The following NRG3 variants were observed in gnomAD, a reference collection of about 807,000 sequenced individuals.
NRG3 encodes pro-neuregulin-3, membrane-bound isoform.
Under a neutral mutation model 66.9 loss-of-function variants are expected in NRG3, and 31 were observed. The observed-to-expected ratio is 0.46, with a 90% CI of 0.35 to 0.63. The LOEUF (loss-of-function observed/expected upper bound fraction) is 0.63, where lower values mean the gene tolerates loss of function less well. Ranked by LOEUF, NRG3 falls within the 20% of genes least tolerant of loss-of-function variation. The probability of loss-of-function intolerance (pLI) is 0.00; values close to 1 mark genes in which losing one functional copy is unlikely to be tolerated. For missense variants in NRG3, 910 were observed against 878.9 expected (o/e 1.04, Z -0.45); for synonymous variants, 393 against 359.4 (o/e 1.09, Z -1.06).
intron 1 of NRG3, among the ~76,000 whole-genome samples, chr10:82,170,067 A>C (rs778919437): frequency 1.5e-4 from 22 of 151,364 alleles, no homozygotes; most frequent in Non-Finnish European, 3.1e-4. Context: ...TTGTTCTTTA[A>C]TTCTCTGAAC....
intron 2 of NRG3, among the ~76,000 whole-genome samples, chr10:82,428,803 G>A (rs2089607924): frequency 1.3e-5 from 2 of 151,924 alleles, no homozygotes; most frequent in South Asian, 2.1e-4. Flanking sequence ...TTGAAAGAAG[G>A]TGATCAAAAT....
intron 4 of NRG3, among the ~76,000 whole-genome samples, chr10:82,921,658 A>G (rs977427234): frequency 2.6e-5 from 4 of 152,204 alleles, no homozygotes; most frequent in African/African-American, 9.6e-5. Flanking sequence ...TATTTATTTC[A>G]TCAGTTTACT....
intron 1 of NRG3, among the ~76,000 whole-genome samples, chr10:81,936,980 G>A (rs978851429): frequency 3.4e-4 from 51 of 152,112 alleles, no homozygotes; most frequent in African/African-American, 1.1e-3. Flanking sequence ...AGTTCCCTTT[G>A]AAAAGTTAGA....
intron 1 of NRG3, among the ~76,000 whole-genome samples, chr10:82,090,776 G>A (rs555880422): frequency 1.6e-3 from 241 of 152,250 alleles, no homozygotes; most frequent in African/African-American, 5.5e-3. Context: ...ATGGGAATCC[G>A]ATAACATGGC....
At chr10:82,488,141 T>C (rs977302931) in intron 2 of NRG3, among the ~76,000 whole-genome samples, 1 of 152,228 alleles carries the variant, frequency 6.6e-6, no homozygotes, top group Non-Finnish European at 1.5e-5. Flanking sequence ...AGTTGGCTAC[T>C]TGGTAATTTC....
intron 1 of NRG3, among the ~76,000 whole-genome samples, chr10:82,005,421 A>G (rs2133722068): frequency 6.6e-6 from 1 of 152,344 alleles, no homozygotes; most frequent in Non-Finnish European, 1.5e-5. Context: ...AACATTTGAA[A>G]GTTTAGTCTC....
intron 1 of NRG3, among the ~76,000 whole-genome samples, chr10:81,968,615 A>T (rs915519903): frequency 1.3e-5 from 2 of 152,206 alleles, no homozygotes; most frequent in South Asian, 4.1e-4. Context: ...TCCAAGTAAG[A>T]GGAATAGAGC....
Position 82,213,424 on chromosome 10 carries a change from A to G in NRG3, c.824-145315A>G, listed in dbSNP as rs190582632. Among the ~76,000 whole-genome samples the G allele has an allele frequency of 2.0e-3, 302 of 152,298 alleles. 2 individuals carry two copies. Among genetic ancestry groups the G allele is most frequent in the African/African-American group, 6.7e-3 (277 of 41,570 alleles). On this transcript the variant is annotated intron_variant, in intron 1 of 8. Transcript: ENST00000372141. ...AATATTACATAAAATTATCTTCTAGATTTTGTGTATAAGGTGGATATGAAA... is the reference window on the plus strand; with the variant it reads ...AATATTACATAAAATTATCTTCTAGGTTTTGTGTATAAGGTGGATATGAAA...
chr10:82,554,869 G>T (rs765948786), intron 2 of NRG3, among the ~76,000 whole-genome samples: 1 of 152,148 alleles, frequency 6.6e-6, no homozygotes, highest in African/African-American at 2.4e-5. Context: ...TATGTGAAAA[G>T]AGCAGTTATG....
chr10:82,117,308 A>G (rs2067789441), intron 1 of NRG3, among the ~76,000 whole-genome samples: 2 of 152,030 alleles, frequency 1.3e-5, no homozygotes, highest in Admixed American at 6.6e-5. Flanking sequence ...TAAGGATTCA[A>G]TCCAACTCAT....
intron 2 of NRG3, among the ~76,000 whole-genome samples, chr10:82,378,729 CCTGG>C (rs1434795529): frequency 1.3e-5 from 2 of 152,008 alleles, no homozygotes; most frequent in Admixed American, 6.6e-5. Flanking sequence ...TGCCACCACA[CCTGG>C]CTAATTTTTG....
rs535189730 is a variant in NRG3 at position 82,228,098 on chromosome 10, G to T, written c.824-130641G>T. On this transcript the variant is annotated intron_variant, in intron 1 of 8. Transcript: ENST00000372141. The stretch of plus-strand genomic sequence containing the variant: ...CAGGGCCTTCCTCACATAACTGTAG[G>T]AAAAGGTCAAAACCCAGACCCCATA... 2.0e-5 allele frequency among the ~76,000 whole-genome samples: 3 copies of T among 152,210 alleles called. No homozygotes were observed. The South Asian group carries it at 6.2e-4, about 32-fold the overall frequency.
At chr10:82,298,798 T>G (rs78295551) in intron 1 of NRG3, among the ~76,000 whole-genome samples, 2,717 of 152,198 alleles carry the variant, frequency 0.018, 62 homozygotes, top group African/African-American at 0.051. Context: ...GGATATGATA[T>G]AGTGGAAATT....
intron 4 of NRG3, among the ~76,000 whole-genome samples, chr10:82,877,537 C>CTTTTTTTTTTTTT (rs61471998): frequency 2.3e-4 from 17 of 74,972 alleles, no homozygotes; most frequent in South Asian, 6.4e-4. Flanking sequence ...CCACACCCGG[C>CTTTTTTTTTTTTT]TTTTTTTTTT....
intron 2 of NRG3, among the ~76,000 whole-genome samples, chr10:82,488,324 C>A (rs1304758758): frequency 6.6e-6 from 1 of 152,144 alleles, no homozygotes; most frequent in Non-Finnish European, 1.5e-5. Context: ...GAAACTGAGA[C>A]TTCTAGAGGA....
intron 2 of NRG3, among the ~76,000 whole-genome samples, chr10:82,595,253 A>G (rs536745468): frequency 6.6e-6 from 1 of 152,332 alleles, no homozygotes; most frequent in Admixed American, 6.5e-5. Context: ...CTTACTCACT[A>G]CAGAGGGATT....
chr10:82,622,983 T>G (rs1457670575), intron 2 of NRG3, among the ~76,000 whole-genome samples: 1 of 152,036 alleles, frequency 6.6e-6, no homozygotes, highest in Non-Finnish European at 1.5e-5. Flanking sequence ...TTTTTTTTTT[T>G]CAGGACATAA....
In NRG3 at chr10:82,201,514, A is replaced by G. The variant is rs115612736; in HGVS notation, c.824-157225A>G. On this transcript the variant is annotated intron_variant, in intron 1 of 8. Coordinates refer to ENST00000372141, the MANE Select transcript of NRG3 (RefSeq NM_001010848.4). ...AGGAAAAATCTTAGTGAAATCTACT[A>G]CAGGAGACCAGCTAATTTCTTGAAC... Among the ~76,000 whole-genome samples the G allele has an allele frequency of 9.8e-4, 149 of 152,268 alleles. 2 individuals carry two copies. The Middle Eastern group carries it at 0.017, about 17-fold the overall frequency.
chr10:82,791,619 G>A (rs1047633099), intron 3 of NRG3, among the ~76,000 whole-genome samples: 3 of 152,124 alleles, frequency 2.0e-5, no homozygotes, highest in African/African-American at 7.2e-5. Flanking sequence ...CTACCCTTGT[G>A]CACAACTCTG....
Sources: gnomAD v4.1 joint callset for allele counts (sites outside exome capture counted in the v4.1 genomes callset) on GRCh38, gnomAD v4.1.1 for gene constraint, MANE v1.5 for transcripts, NCBI Gene and HGNC (gene_info 2026-07-23, HGNC 2026-07-21) for gene names.